The following DLG2 variants were observed in gnomAD, a reference collection of about 807,000 sequenced individuals.
The protein encoded by DLG2 is disks large homolog 2.
Under a neutral mutation model 132.5 loss-of-function variants are expected in DLG2, and 45 were observed. That is an observed-to-expected ratio of 0.34 (90% CI 0.27 to 0.44). DLG2 has a LOEUF of 0.44. Ranked by LOEUF, DLG2 falls within the 20% of genes least tolerant of loss-of-function variation. The pLI, the probability that DLG2 is intolerant of heterozygous loss-of-function variation, is 1.00. For missense variants in DLG2, 1,045 were observed against 1,196.9 expected (o/e 0.87, Z 1.87); for synonymous variants, 424 against 419.6 (o/e 1.01, Z -0.13).
At chr11:83,536,069 G>A (rs1001482226) in intron 20 of DLG2, among the ~76,000 whole-genome samples, 8 of 152,166 alleles carry the variant, frequency 5.3e-5, no homozygotes, top group African/African-American at 1.7e-4. Context: ...TTTTGGAGCA[G>A]CTTCCACAGT....
At chr11:83,787,312 GTTTTTTTTTTGTTTT>G (rs1180150134) in intron 17 of DLG2, among the ~76,000 whole-genome samples, 1 of 69,616 alleles carries the variant, frequency 1.4e-5, no homozygotes, top group Non-Finnish European at 2.7e-5. Context: ...CTTAAGCCTT[GTTTTTTTTTTGTTTT>G]TTTTTTTTTT....
At chr11:83,767,346 C>A (rs7927605) in intron 18 of DLG2, among the ~76,000 whole-genome samples, 1 of 152,194 alleles carries the variant, frequency 6.6e-6, no homozygotes, top group Non-Finnish European at 1.5e-5. Context: ...AGAGAATTAT[C>A]CCATCACCTG....
intron 6 of DLG2, among the ~76,000 whole-genome samples, chr11:84,974,020 A>G (rs1212930596): frequency 6.6e-6 from 1 of 152,230 alleles, no homozygotes; most frequent in Admixed American, 6.5e-5. Context: ...GAAAGTAGAT[A>G]GTCCCATTTA....
chr11:84,846,339 G>A (rs902306188), intron 6 of DLG2, among the ~76,000 whole-genome samples: 2 of 152,058 alleles, frequency 1.3e-5, no homozygotes, highest in African/African-American at 4.8e-5. Context: ...CCATGTAGAG[G>A]TAAATGGAAC....
intron 15 of DLG2, among the ~76,000 whole-genome samples, chr11:83,885,380 CAAAG>C (rs886345865): frequency 6.6e-6 from 1 of 151,916 alleles, no homozygotes; most frequent in Non-Finnish European, 1.5e-5. Flanking sequence ...AATGAAGTGA[CAAAG>C]GAAGTTTAGA....
intron 14 of DLG2, among the ~76,000 whole-genome samples, chr11:83,944,790 C>T (rs2083427544): frequency 6.6e-6 from 1 of 152,156 alleles, no homozygotes; most frequent in South Asian, 2.1e-4. Context: ...GTCAAAATAT[C>T]AAAGAGCCAA....
chr11:84,409,273 A>ACTT (rs1400836519), intron 7 of DLG2, among the ~76,000 whole-genome samples: 1 of 152,100 alleles, frequency 6.6e-6, no homozygotes, highest in Non-Finnish European at 1.5e-5. Flanking sequence ...GCACTTCAGG[A>ACTT]CTTAGAAGGG....
At chr11:84,235,141 T>A (rs987697618) in intron 8 of DLG2, among the ~76,000 whole-genome samples, 3 of 152,336 alleles carry the variant, frequency 2.0e-5, no homozygotes, top group African/African-American at 7.2e-5. Context: ...AATCTTTGAA[T>A]CCACCTACCA....
chr11:83,621,225 T>G (rs2061591000), intron 19 of DLG2, among the ~76,000 whole-genome samples: 1 of 152,206 alleles, frequency 6.6e-6, no homozygotes, highest in South Asian at 2.1e-4. Flanking sequence ...GAATTCTTAC[T>G]TGGTGCAATT....
intron 6 of DLG2, among the ~76,000 whole-genome samples, chr11:85,100,323 G>A (rs1344726067): frequency 6.6e-6 from 1 of 152,014 alleles, no homozygotes; most frequent in Non-Finnish European, 1.5e-5. Flanking sequence ...CACCTACTAT[G>A]CAACAGGAAC....
Position 85,156,922 on chromosome 11 carries a change from G to A in DLG2, c.187-2271C>T, listed in dbSNP as rs571681927. 4.6e-5 allele frequency among the ~76,000 whole-genome samples: 7 copies of A among 152,272 alleles called. 1 individual carries two copies. Among genetic ancestry groups the A allele is most frequent in the Admixed American group, 3.9e-4 (6 of 15,294 alleles). On this transcript the variant is annotated intron_variant, in intron 4 of 27. Transcript: ENST00000376104. Reference sequence around the variant, plus strand: ...TTAATACTGAGTGTCAACTTGATTGGACTGAAGGATGTAAAGTATTGTTCC... The same window carrying A: ...TTAATACTGAGTGTCAACTTGATTGAACTGAAGGATGTAAAGTATTGTTCC...
At position 84,846,067 on chromosome 11, in the gene DLG2, C is replaced by G. The variant is rs546676816; in HGVS notation, c.357+265594G>C. On this transcript the variant is annotated intron_variant, in intron 6 of 27. Coordinates refer to ENST00000376104, the MANE Select transcript of DLG2 (RefSeq NM_001142699.3). ...CCTGACCTTTAAAAGTTGGAGTTTT[C>G]TAGGTTCAGTCCTAGGTTCTCTTAT... Among the ~76,000 whole-genome samples the G allele has an allele frequency of 3.9e-5, 6 of 152,050 alleles. No homozygotes were observed. In the East Asian group the frequency reaches 1.2e-3, roughly 29 times the overall value.
At position 85,205,613 on chromosome 11, in the gene DLG2, T is replaced by C. The variant is rs143746877; in HGVS notation, c.187-50962A>G. Among the ~76,000 whole-genome samples the C allele has an allele frequency of 3.9e-3, 592 of 152,324 alleles. 3 individuals are homozygous for C. The highest frequency in any genetic ancestry group is 6.7e-3 in the Non-Finnish European group (453 of 68,018). ...AGCCCTGTTACCTGGATTTGATCAT[T>C]ACACATTGTATACATGTATCAAAAT... On this transcript the variant is annotated intron_variant, in intron 4 of 27. Coordinates refer to ENST00000376104, the MANE Select transcript of DLG2 (RefSeq NM_001142699.3).
At chr11:83,531,950 T>C (rs190714533) in intron 21 of DLG2, among the ~76,000 whole-genome samples, 3 of 142,990 alleles carry the variant, frequency 2.1e-5, no homozygotes, top group African/African-American at 5.0e-5. Context: ...GGCAAATCCA[T>C]AGGGACAAAA....
chr11:83,694,964 G>T (rs143573658), intron 18 of DLG2, among the ~76,000 whole-genome samples: 1 of 152,180 alleles, frequency 6.6e-6, no homozygotes, highest in Non-Finnish European at 1.5e-5. Context: ...CAGTGGCCCC[G>T]TCTACTTTGC....
intron 18 of DLG2, among the ~76,000 whole-genome samples, chr11:83,676,326 C>A (rs1237820823): frequency 1.3e-5 from 2 of 152,140 alleles, no homozygotes; most frequent in African/African-American, 4.8e-5. Flanking sequence ...GTGGCAGGAC[C>A]AAAAGGGATT....
intron 3 of DLG2, among the ~76,000 whole-genome samples, chr11:85,314,413 A>G (rs2080511943): frequency 6.6e-6 from 1 of 151,950 alleles, no homozygotes; most frequent in African/African-American, 2.4e-5. Flanking sequence ...AGAGGATCAT[A>G]TAAATATATC....
intron 8 of DLG2, among the ~76,000 whole-genome samples, chr11:84,183,864 C>T (rs372349748): frequency 2.0e-4 from 30 of 152,096 alleles, no homozygotes; most frequent in Admixed American, 9.8e-4. Flanking sequence ...CTGAGAATGA[C>T]GGTTTCCAGC....
chr11:85,176,401 G>A (rs192411287), intron 4 of DLG2, among the ~76,000 whole-genome samples: 4 of 152,264 alleles, frequency 2.6e-5, no homozygotes, highest in Admixed American at 2.6e-4. Context: ...TAGGAGAACT[G>A]GCTAGCCAAA....
Sources: gnomAD v4.1 joint callset for allele counts (sites outside exome capture counted in the v4.1 genomes callset) on GRCh38, gnomAD v4.1.1 for gene constraint, MANE v1.5 for transcripts, NCBI Gene and HGNC (gene_info 2026-07-23, HGNC 2026-07-21) for gene names.